The following DHX30 variants were observed in gnomAD, a reference collection of about 807,000 sequenced individuals.
The protein encoded by DHX30 is ATP-dependent RNA helicase DHX30.
A neutral mutation model predicts 116.9 loss-of-function variants in DHX30; 4 were observed. That is an observed-to-expected ratio of 0.03 (90% confidence interval 0.02 to 0.08). The LOEUF is 0.08. Ranked by LOEUF, DHX30 falls within the 10% of genes least tolerant of loss-of-function variation. The probability of loss-of-function intolerance (pLI) is 1.00; values close to 1 mark genes in which losing one functional copy is unlikely to be tolerated. For synonymous variants in DHX30, 697 were observed against 651.7 expected (o/e 1.07, Z -1.06); for missense variants, 871 against 1,595.1 (o/e 0.55, Z 7.73).
At position 47,847,721 on chromosome 3, in the gene DHX30, T is replaced by C; in HGVS notation, c.2111-60T>C. 1 of 1,575,510 alleles carries C rather than the reference T, an allele frequency of 6.3e-7. No homozygotes were observed. Among genetic ancestry groups the C allele is most frequent in the African/African-American group, 1.3e-5 (1 of 74,282 alleles). ...GGTCAAAATCCTTGCCCTGCCCACA[T>C]TCCAGGGGGGAATTCTGGTGGAAGC... On this transcript the variant is annotated intron_variant, in intron 13 of 21. Coordinates refer to ENST00000445061, the MANE Select transcript of DHX30 (RefSeq NM_138615.3). The surrounding 1 kb of genome is among the most constrained non-coding windows in gnomAD (Gnocchi z 5.5).
intron 3 of DHX30, among the ~76,000 whole-genome samples, chr3:47,813,331 C>A (rs998065011): frequency 3.9e-5 from 6 of 152,064 alleles, no homozygotes; most frequent in African/African-American, 1.4e-4. Flanking sequence ...AACAGCGAGA[C>A]TCCATCTCAA....
At chr3:47,810,568 A>T in intron 2 of DHX30, 89 bp from the exon 3 acceptor site, 1 of 1,061,282 alleles carries the variant, frequency 9.4e-7, no homozygotes, top group South Asian at 1.3e-5. Flanking sequence ...TCATTTTCTG[A>T]ACAGTGCTCT....
intron 2 of DHX30, among the ~76,000 whole-genome samples, chr3:47,806,067 C>T (rs1435873984): frequency 6.6e-6 from 1 of 152,024 alleles, no homozygotes; most frequent in Non-Finnish European, 1.5e-5. Flanking sequence ...TCTTGGCTCA[C>T]TGCAACCTCC....
chr3:47,839,632 C>T (rs964577111), intron 6 of DHX30, among the ~76,000 whole-genome samples: 4 of 151,920 alleles, frequency 2.6e-5, no homozygotes, highest in African/African-American at 9.7e-5. Flanking sequence ...CTTCTTATAA[C>T]AGAAGTTGTA....
intron 4 of DHX30, among the ~76,000 whole-genome samples, chr3:47,820,195 T>TC (rs1020933090): frequency 6.6e-6 from 1 of 152,120 alleles, no homozygotes; most frequent in Non-Finnish European, 1.5e-5. Context: ...ATGCCTGTAA[T>TC]CCCAGCTACT....
intron 6 of DHX30, among the ~76,000 whole-genome samples, chr3:47,834,351 G>A (rs769136890): frequency 6.6e-6 from 1 of 152,086 alleles, no homozygotes; most frequent in Non-Finnish European, 1.5e-5. Context: ...TGATCTGCCC[G>A]CCTTGGCCTC....
chr3:47,829,551 C>A (rs1276552582), intron 6 of DHX30, among the ~76,000 whole-genome samples: 12 of 151,512 alleles, frequency 7.9e-5, no homozygotes, highest in Admixed American at 1.3e-4. Flanking sequence ...ACCCTGTTGG[C>A]CAGGCTGGTC....
At chr3:47,841,789 C>T in intron 8 of DHX30, 52 bp downstream of exon 8, 1 of 1,613,408 alleles carries the variant, frequency 6.2e-7, no homozygotes, top group Non-Finnish European at 8.5e-7. Flanking sequence ...TTGGTCATGT[C>T]TGGTGTTCCC....
chr3:47,835,203 C>T (rs1268345612), intron 6 of DHX30, among the ~76,000 whole-genome samples: 3 of 132,520 alleles, frequency 2.3e-5, no homozygotes, highest in Non-Finnish European at 3.1e-5. Flanking sequence ...CATGGAGGTT[C>T]GCTCTTATTG....
chr3:47,837,223 G>C (rs575608762), intron 6 of DHX30, among the ~76,000 whole-genome samples: 1 of 152,356 alleles, frequency 6.6e-6, no homozygotes, highest in Admixed American at 6.5e-5. Flanking sequence ...GAGAATGAAT[G>C]TGGGTCTGCC....
intron 6 of DHX30, among the ~76,000 whole-genome samples, chr3:47,838,536 A>T (rs915904425): frequency 1.3e-5 from 2 of 152,220 alleles, no homozygotes; most frequent in Non-Finnish European, 2.9e-5. Flanking sequence ...AAATTTAATT[A>T]TCTCAAAAAC....
chr3:47,846,785 G>A lies in DHX30; in HGVS notation c.1713G>A (p.Leu571=). The part of the protein sequence containing the change: ...VHERDVNTDF[L]LILLKGLQRL... ...AGCGGGACGTGAACACAGACTTTCT[G>A]CTGATCCTGCTCAAGGGCCTGCAGC... The change falls in exon 11 of 22, where the codon CTG becomes CTA. Residue 571 remains leucine, a synonymous_variant. Transcript: ENST00000445061. 6.2e-7 allele frequency: 1 copy of A among 1,613,760 alleles called. No individual in the cohort carries two copies. Among genetic ancestry groups the A allele is most frequent in the Non-Finnish European group, 8.5e-7 (1 of 1,179,966 alleles).
chr3:47,814,731 A>AGG (rs1425483622), intron 3 of DHX30, among the ~76,000 whole-genome samples: 2 of 152,108 alleles, frequency 1.3e-5, no homozygotes, highest in Non-Finnish European at 2.9e-5. Context: ...CATGTTAGCC[A>AGG]GGATGGCCTC....
chr3:47,831,043 C>T (rs2036824719), intron 6 of DHX30: 1 of 151,996 alleles, frequency 6.6e-6, no homozygotes, highest in South Asian at 2.1e-4. Flanking sequence ...TCTGGGCCCC[C>T]ATAGTACCCA....
intron 2 of DHX30, among the ~76,000 whole-genome samples, chr3:47,810,061 T>C (rs2106940131): frequency 6.6e-6 from 1 of 152,366 alleles, no homozygotes; most frequent in East Asian, 1.9e-4. Context: ...ATATTTGTTA[T>C]TTCATAGAGA....
Position 47,827,598 on chromosome 3 carries a change from T to G in DHX30, c.255+121T>G. 2.2e-6 allele frequency: 3 copies of G among 1,341,634 alleles called. No individual in the cohort carries two copies. In the South Asian group the frequency reaches 4.4e-5, roughly 19 times the overall value. The allele number at this position is 1,341,634 out of a possible 1,614,324, so 83.1% of individuals were successfully genotyped here. On this transcript the variant is annotated intron_variant, in intron 5 of 21. Coordinates refer to ENST00000445061, the MANE Select transcript of DHX30 (RefSeq NM_138615.3). Reference sequence around the variant, plus strand: ...GAATGGGTTTCCTGAATTAAAATGGTCAGCAGAGACTCAGAGCAAAGCTAG... The same window carrying G: ...GAATGGGTTTCCTGAATTAAAATGGGCAGCAGAGACTCAGAGCAAAGCTAG...
In DHX30 at chr3:47,841,677, A is replaced by G. The variant is rs1476308917; in HGVS notation, c.729A>G (p.Pro243=). The change falls in exon 8 of 22, where the codon CCA becomes CCG. Residue 243 remains proline (P), a synonymous_variant. Coordinates refer to ENST00000445061, the MANE Select transcript of DHX30 (RefSeq NM_138615.3). ...DSAIRALTQF[P]LPKNLLAKVI... ...CCATTAGGGCTCTGACCCAGTTTCC[A>G]CTTCCCAAGAACCTTCTGGCCAAGG... 6.2e-7 allele frequency: 1 copy of G among 1,614,106 alleles called. No individual in the cohort carries two copies. Among genetic ancestry groups the G allele is most frequent in the Non-Finnish European group, 8.5e-7 (1 of 1,180,056 alleles).
chr3:47,835,072 C>T (rs553470836), intron 6 of DHX30, among the ~76,000 whole-genome samples: 8 of 152,066 alleles, frequency 5.3e-5, no homozygotes, highest in South Asian at 4.1e-4. Flanking sequence ...AGCGCGATCT[C>T]GGCTTACTGC....
intron 3 of DHX30, chr3:47,816,565 C>T: frequency 1.0e-6 from 1 of 959,144 alleles, no homozygotes; most frequent in Non-Finnish European, 1.2e-6. Context: ...ACCATGTTGG[C>T]CAGGATGGTC....
Sources: allele counts gnomAD v4.1 joint callset (sites outside exome capture counted in the v4.1 genomes callset), GRCh38; gene constraint gnomAD v4.1.1; non-coding constraint Gnocchi (gnomAD v3.1); transcripts MANE v1.5; gene names NCBI Gene and HGNC (gene_info 2026-07-23, HGNC 2026-07-21).